Variants in SYT10 observed in about 807,000 individuals in gnomAD.
SYT10 encodes synaptotagmin-10.
SYT10 carries 31 observed loss-of-function variants against 51.1 expected under a neutral mutation model. The observed-to-expected ratio is 0.61, with a 90% confidence interval of 0.46 to 0.82. SYT10 has a LOEUF of 0.82. Ranked by LOEUF, SYT10 falls within the 40% of genes least tolerant of loss-of-function variation. The probability of loss-of-function intolerance (pLI) is 0.00; values close to 1 mark genes in which losing one functional copy is unlikely to be tolerated. For synonymous variants in SYT10, 233 were observed against 225.9 expected (o/e 1.03, Z -0.28); for missense variants, 603 against 634.0 (o/e 0.95, Z 0.53).
chr12:33,417,694 T>C (rs1186879148), intron 2 of SYT10, among the ~76,000 whole-genome samples: 1 of 152,196 alleles, frequency 6.6e-6, no homozygotes, highest in African/African-American at 2.4e-5. Flanking sequence ...TTTCCAGTCA[T>C]ACTCATTTGC....
At chr12:33,413,827 A>G (rs1028641870) in intron 2 of SYT10, among the ~76,000 whole-genome samples, 33 of 152,232 alleles carry the variant, frequency 2.2e-4, no homozygotes, top group African/African-American at 6.8e-4. Context: ...AAATTCACAC[A>G]TAACAATATT....
At position 33,433,740 on chromosome 12, in the gene SYT10, T is replaced by C. The variant is rs558354284; in HGVS notation, c.151+5632A>G. On this transcript the variant is annotated intron_variant, in intron 1 of 6. Transcript: ENST00000228567. ...GAAAGGTTTGAGATATGGGTCATAA[T>C]TGCACACTAAGAAATTTTATTGGCC... Among the ~76,000 whole-genome samples, 5 of 152,278 alleles carry C rather than the reference T, an allele frequency of 3.3e-5. No individual in the cohort carries two copies. In the East Asian group the frequency reaches 7.7e-4, roughly 24 times the overall value.
chr12:33,418,762 T>C (rs1302955346), intron 2 of SYT10, among the ~76,000 whole-genome samples: 1 of 152,192 alleles, frequency 6.6e-6, no homozygotes, highest in East Asian at 1.9e-4. Flanking sequence ...ACCACTTCCC[T>C]GGTCTGAAAC....
intron 2 of SYT10, among the ~76,000 whole-genome samples, chr12:33,417,898 A>G (rs988088824): frequency 6.6e-6 from 1 of 152,234 alleles, no homozygotes; most frequent in Non-Finnish European, 1.5e-5. Context: ...ATAGTGACAG[A>G]ATCAATGGAT....
chr12:33,429,761 G>T (rs1328684849), intron 1 of SYT10, among the ~76,000 whole-genome samples: 1 of 152,146 alleles, frequency 6.6e-6, no homozygotes, highest in Non-Finnish European at 1.5e-5. Flanking sequence ...GGAGATTTTG[G>T]TTGGGGATCG....
At chr12:33,381,304 C>A (rs547879014) in intron 5 of SYT10, among the ~76,000 whole-genome samples, 1 of 152,128 alleles carries the variant, frequency 6.6e-6, no homozygotes, top group Non-Finnish European at 1.5e-5. Flanking sequence ...CCCCCTAGCT[C>A]TAAGCCAGAG....
intron 2 of SYT10, among the ~76,000 whole-genome samples, chr12:33,409,079 T>C (rs558897790): frequency 8.5e-5 from 13 of 152,194 alleles, no homozygotes; most frequent in South Asian, 6.2e-4. Context: ...ACCCAGTCAG[T>C]GCACCCTCAG....
At chr12:33,411,779 T>C (rs1866409297) in intron 2 of SYT10, among the ~76,000 whole-genome samples, 1 of 152,156 alleles carries the variant, frequency 6.6e-6, no homozygotes, top group Non-Finnish European at 1.5e-5. Flanking sequence ...GCCACTCTAA[T>C]GCATTAGGCA....
chr12:33,391,738 A>T (rs1866209369), intron 3 of SYT10, among the ~76,000 whole-genome samples: 1 of 152,208 alleles, frequency 6.6e-6, no homozygotes, highest in South Asian at 2.1e-4. Context: ...AGTAGGTGCC[A>T]GAAAACATAC....
Position 33,439,614 on chromosome 12 carries a change from A to T in SYT10, c.-92T>A. 6.8e-7 allele frequency: 1 copy of T among 1,461,336 alleles called. No homozygotes were observed. Among genetic ancestry groups the T allele is most frequent in the Non-Finnish European group, 9.2e-7 (1 of 1,089,480 alleles). The allele number at this position is 1,461,336 out of a possible 1,614,324, so 90.5% of individuals were successfully genotyped here. On this transcript the variant is annotated 5_prime_UTR_variant, in exon 1 of 7. Coordinates refer to ENST00000228567, the MANE Select transcript of SYT10 (RefSeq NM_198992.4). ...TAACCCCTCTGGCGCCCTAAGCCAT[A>T]GTCCGCCCGCGGTGACTTTGGCTGG... is the stretch of plus-strand genomic sequence containing the variant.
chr12:33,398,180 A>G (rs1200526428), intron 3 of SYT10, among the ~76,000 whole-genome samples: 3 of 152,104 alleles, frequency 2.0e-5, no homozygotes, highest in East Asian at 3.9e-4. Context: ...TCCAGGCCAG[A>G]CGGCATTATG....
intron 1 of SYT10, among the ~76,000 whole-genome samples, chr12:33,427,025 C>T (rs1191702152): frequency 6.6e-6 from 1 of 152,118 alleles, no homozygotes; most frequent in Non-Finnish European, 1.5e-5. Flanking sequence ...TAGATTCTTT[C>T]TGATAATTTT....
chr12:33,395,775 A>C (rs1192320894), intron 3 of SYT10, among the ~76,000 whole-genome samples: 1 of 152,202 alleles, frequency 6.6e-6, no homozygotes, highest in Non-Finnish European at 1.5e-5. Flanking sequence ...CACAAGTATT[A>C]TGTTACAAAT....
chr12:33,419,919 AT>A (rs991300515), intron 2 of SYT10, among the ~76,000 whole-genome samples: 1 of 152,198 alleles, frequency 6.6e-6, no homozygotes, highest in Non-Finnish European at 1.5e-5. Flanking sequence ...CCAAGAACTT[AT>A]TTTTTAGTAT....
chr12:33,403,173 A>G (rs1328550488), intron 3 of SYT10, among the ~76,000 whole-genome samples: 4 of 152,008 alleles, frequency 2.6e-5, no homozygotes, highest in Non-Finnish European at 4.4e-5. Flanking sequence ...TTAAAATTAT[A>G]AAGTTATAAG....
At chr12:33,437,123 T>C (rs1866644549) in intron 1 of SYT10, among the ~76,000 whole-genome samples, 1 of 152,244 alleles carries the variant, frequency 6.6e-6, no homozygotes, top group Non-Finnish European at 1.5e-5. Flanking sequence ...CAGATTAAAG[T>C]ATTTTACTTC....
At chr12:33,398,182 G>A (rs1238970825) in intron 3 of SYT10, among the ~76,000 whole-genome samples, 4 of 152,028 alleles carry the variant, frequency 2.6e-5, no homozygotes, top group Non-Finnish European at 5.9e-5. Context: ...CAGGCCAGAC[G>A]GCATTATGAG....
intron 3 of SYT10, among the ~76,000 whole-genome samples, chr12:33,392,913 T>A (rs187698104): frequency 1.2e-3 from 174 of 141,602 alleles, no homozygotes; most frequent in Admixed American, 2.0e-3. Context: ...CAATGGGAGA[T>A]CCATTTTCAG....
At chr12:33,404,529 T>C (rs1273667298) in intron 3 of SYT10, among the ~76,000 whole-genome samples, 1 of 152,106 alleles carries the variant, frequency 6.6e-6, no homozygotes, top group Non-Finnish European at 1.5e-5. Flanking sequence ...GTAGCTGGGA[T>C]TACAGGCATG....
Sources: allele counts gnomAD v4.1 joint callset (sites outside exome capture counted in the v4.1 genomes callset), GRCh38; gene constraint gnomAD v4.1.1; transcripts MANE v1.5; gene names NCBI Gene and HGNC (gene_info 2026-07-23, HGNC 2026-07-21).